Variants in CAPS2 observed in about 807,000 individuals in gnomAD.
CAPS2 encodes the protein calcyphosin-2.
A neutral mutation model predicts 86.5 loss-of-function variants in CAPS2; 98 were observed. The observed-to-expected ratio is 1.13, with a 90% CI of 0.96 to 1.34. The LOEUF is 1.34. Among genes scored for constraint, CAPS2 ranks in the 40% most tolerant of loss-of-function variants. The pLI, the probability that CAPS2 is intolerant of heterozygous loss-of-function variation, is 0.00. For missense variants in CAPS2, 729 were observed against 686.8 expected (o/e 1.06, Z -0.69); for synonymous variants, 210 against 225.1 (o/e 0.93, Z 0.60).
At chr12:75,368,073 T>G (rs2044108537) in intron 1 of CAPS2, among the ~76,000 whole-genome samples, 1 of 152,064 alleles carries the variant, frequency 6.6e-6, no homozygotes, top group African/African-American at 2.4e-5. Context: ...TGTCTTAATA[T>G]TGTAAACTGT....
intron 1 of CAPS2, chr12:75,371,043 G>A (rs1256296942): frequency 6.6e-6 from 1 of 152,250 alleles, no homozygotes; most frequent in Non-Finnish European, 1.5e-5. Context: ...TTATATGCAT[G>A]TATAAATGAG....
chr12:75,382,820 T>C (rs1052891831), intron 1 of CAPS2, among the ~76,000 whole-genome samples: 1 of 152,194 alleles, frequency 6.6e-6, no homozygotes, highest in African/African-American at 2.4e-5. Context: ...ACAACAGAAA[T>C]ATTAAATGGG....
exon 17 of CAPS2, chr12:75,278,485 G>T: frequency 1.0e-6 from 1 of 986,988 alleles, no homozygotes; most frequent in Non-Finnish European, 1.2e-6. Context: ...TTCTGAGGAA[G>T]AGGTAGCAAA....
rs574136594 is a variant in CAPS2 at position 75,319,466 on chromosome 12, C to T, written c.468+1934G>A. Among the ~76,000 whole-genome samples, 15 of 152,140 alleles carry T rather than the reference C, an allele frequency of 9.9e-5. No individual in the cohort carries two copies. The South Asian group carries it at 2.9e-3, about 29-fold the overall frequency. On this transcript the variant is annotated intron_variant, in intron 5 of 16. Transcript: ENST00000393284. ...CACATGCTGGCTTCCCTTGATCTTC[C>T]GTCATAAGTAAAAGCAACCTGAAGC... is the stretch of plus-strand genomic sequence containing the variant.
chr12:75,289,651 T>A (rs776951767), exon 14 of CAPS2: 1 of 1,613,252 alleles, frequency 6.2e-7, no homozygotes, highest in Admixed American at 1.7e-5. Flanking sequence ...GAAACACTTT[T>A]AGAGCTTGCT....
rs1208749565 is a variant in CAPS2, at chr12:75,277,226, A to G, written c.*1664T>C. ...GTAGCTTCCCTTTTTTTTTTTTTTTACAGTATAACAGACTATACATTTTCT... is the reference window on the plus strand; with the variant it reads ...GTAGCTTCCCTTTTTTTTTTTTTTTGCAGTATAACAGACTATACATTTTCT... On this transcript the variant is annotated 3_prime_UTR_variant, in exon 17 of 17. Transcript: ENST00000393284. The G allele has an allele frequency of 5.0e-6, 4 of 801,890 alleles. No individual in the cohort carries two copies. In the African/African-American group the frequency reaches 7.9e-5, roughly 16 times the overall value. 49.7% of individuals were successfully genotyped at this position (801,890 alleles called of 1,614,324 possible).
At chr12:75,334,567 C>T (rs561265117), upstream of CAPS2, 1 of 1,421,510 alleles carries the variant, frequency 7.0e-7, no homozygotes, top group Non-Finnish European at 9.2e-7. Context: ...TGTTCTTCCC[C>T]ACAGCGACAC....
chr12:75,381,254 T>A (rs550610957), intron 1 of CAPS2, among the ~76,000 whole-genome samples: 4 of 152,356 alleles, frequency 2.6e-5, no homozygotes, highest in Admixed American at 2.0e-4. Context: ...GTCGCCGCCA[T>A]GTAAGAAGTG....
rs772945225 is a variant in CAPS2 at position 75,377,448 on chromosome 12, A to C, written c.-395+13390T>G. 1.8e-4 allele frequency among the ~76,000 whole-genome samples: 27 copies of C among 152,324 alleles called. 1 individual carries two copies. Among genetic ancestry groups the C allele is most frequent in the Non-Finnish European group, 3.5e-4 (24 of 68,024 alleles). ...CCAGCAGTGGCTCAGCCCAAGTCCC[A>C]AAACCCCAAAAGTCAGGAAGCCCAC... On this transcript the variant is annotated intron_variant, in intron 1 of 5. Coordinates refer to the CAPS2 transcript ENST00000551829.
intron 1 of CAPS2, among the ~76,000 whole-genome samples, chr12:75,361,548 C>T (rs2043592696): frequency 6.6e-6 from 1 of 152,174 alleles, no homozygotes; most frequent in African/African-American, 2.4e-5. Flanking sequence ...CCAAGCTGTA[C>T]CTCAGCCTGT....
intron 1 of CAPS2, among the ~76,000 whole-genome samples, chr12:75,385,471 C>A (rs1192550062): frequency 6.6e-6 from 1 of 151,820 alleles, no homozygotes; most frequent in South Asian, 2.1e-4. Flanking sequence ...ATAAAGATAT[C>A]AATATTTACA....
upstream of CAPS2, among the ~76,000 whole-genome samples, chr12:75,328,039 T>C (rs1422724690): frequency 6.6e-6 from 1 of 151,844 alleles, no homozygotes; most frequent in Non-Finnish European, 1.5e-5. Context: ...TATCAACCAA[T>C]AGTAAACATA....
exon 17 of CAPS2, chr12:75,278,909 C>A (rs759306425): frequency 6.3e-7 from 1 of 1,586,602 alleles, no homozygotes; most frequent in Non-Finnish European, 8.5e-7. Flanking sequence ...CCATGGAGTA[C>A]GTAAGATGTT....
At chr12:75,390,412 C>T (rs2045526148) in intron 1 of CAPS2, 3 of 456,012 alleles carry the variant, frequency 6.6e-6, no homozygotes, top group South Asian at 3.1e-5. Context: ...AATGTTTTAA[C>T]CTTTGAAGAG....
chr12:75,326,191 T>A (rs918421216), intron 1 of CAPS2, among the ~76,000 whole-genome samples: 1 of 152,056 alleles, frequency 6.6e-6, no homozygotes, highest in Non-Finnish European at 1.5e-5. Context: ...TATTCTTAAA[T>A]AACAATAATA....
intron 1 of CAPS2, chr12:75,369,648 A>C (rs1469881092): frequency 1.9e-5 from 19 of 984,274 alleles, no homozygotes; most frequent in Non-Finnish European, 2.3e-5. Context: ...ACGTTTCTTC[A>C]GGGACGTGAA....
At position 75,343,048 on chromosome 12, in the gene CAPS2, T is replaced by C. The variant is rs112092336; in HGVS notation, c.-394-19826A>G. On this transcript the variant is annotated intron_variant, in intron 1 of 5. Coordinates refer to the CAPS2 transcript ENST00000551829. ...GTTTATGTATTAATTTAAATTTTTA[T>C]GTATCCAGTCATGTAATCTGTGAAT... Among the ~76,000 whole-genome samples, 661 of 152,116 alleles carry C rather than the reference T, an allele frequency of 4.3e-3. 7 individuals carry two copies. Among genetic ancestry groups the C allele is most frequent in the African/African-American group, 0.015 (632 of 41,570 alleles).
At chr12:75,344,508 T>C (rs921811872) in intron 1 of CAPS2, among the ~76,000 whole-genome samples, 3 of 152,132 alleles carry the variant, frequency 2.0e-5, no homozygotes, top group Non-Finnish European at 2.9e-5. Context: ...CCTAATATGT[T>C]TTCTCTTTCA....
chr12:75,326,381 C>A lies in CAPS2; in HGVS notation c.81+37G>T. On this transcript the variant is annotated intron_variant, in intron 1 of 16. Coordinates refer to ENST00000393284, the Ensembl canonical transcript of CAPS2. ...AAAGGTAAAAAAATTATTTATAAGT[C>A]ATCCTGAAAGAAGAAAATTATATAG... The A allele has an allele frequency of 3.8e-6, 3 of 787,732 alleles. No homozygotes were observed. In the South Asian group the frequency reaches 5.4e-5, roughly 14 times the overall value. 48.8% of individuals were successfully genotyped at this position (787,732 alleles called of 1,614,324 possible). A position where few individuals can be genotyped will look rare whatever the true frequency, so the allele number is the denominator to read the frequency against.
Sources: gnomAD v4.1 joint callset for allele counts (sites outside exome capture counted in the v4.1 genomes callset) on GRCh38, gnomAD v4.1.1 for gene constraint, MANE v1.5 for transcripts, NCBI Gene and HGNC (gene_info 2026-07-23, HGNC 2026-07-21) for gene names.